The following MAP4K2 variants were observed in gnomAD, a reference collection of about 807,000 sequenced individuals.
MAP4K2 encodes the protein mitogen-activated protein kinase kinase kinase kinase 2.
A neutral mutation model predicts 125.3 loss-of-function variants in MAP4K2; 85 were observed. The observed-to-expected ratio is 0.68, with a 90% CI of 0.57 to 0.81. MAP4K2 has a LOEUF of 0.81. Among genes scored for constraint, MAP4K2 ranks in the 40% least tolerant of loss-of-function variants. The pLI is 0.00. For synonymous variants in MAP4K2, 479 were observed against 445.1 expected (o/e 1.08, Z -0.96); for missense variants, 923 against 1,056.4 (o/e 0.87, Z 1.75).
chr11:64,802,082 C>G lies in MAP4K2; in HGVS notation c.350G>C (p.Cys117Ser), dbSNP rs922294037. The change falls in exon 5 of 32, where the codon TGC (cysteine) becomes TCC (serine). Residue 117 changes from cysteine (C) to serine (S), a missense_variant. By Grantham distance (112) the Cys-to-Ser change is moderately radical. Transcript: ENST00000294066. The part of the protein sequence containing the change: ...PLEERQIAYV[C>S]REALKGLHHL... The stretch of plus-strand genomic sequence containing the variant: ...CCCAGCTACCTTCAGTGCCTCTCGG[C>G]AGACGTAGGCAATCTGCCGCTCCTC... 3.1e-6 allele frequency: 5 copies of G among 1,612,632 alleles called. No individual in the cohort carries two copies. In the African/African-American group the frequency reaches 6.7e-5, roughly 22 times the overall value.
At chr11:64,802,045 G>C in intron 5 of MAP4K2, 21 bp downstream of exon 5, 1 of 1,608,312 alleles carries the variant, frequency 6.2e-7, no homozygotes, top group Non-Finnish European at 8.5e-7. Flanking sequence ...AGAGGTGTGG[G>C]CACCTCACAG....
chr11:64,788,464 G>C lies in MAP4K2; in HGVS notation c.*1073C>G, dbSNP rs1360022960. On this transcript the variant is annotated 3_prime_UTR_variant, in exon 32 of 32. Transcript: ENST00000294066. ...CCTGGCATTCAGAGCTGAGCAGACA[G>C]ACCCTTGGAGAATGACAGCGTAAGC... is the stretch of plus-strand genomic sequence containing the variant. The C allele has an allele frequency of 6.6e-6, 1 of 152,218 alleles. No homozygotes were observed. Among genetic ancestry groups the C allele is most frequent in the Admixed American group, 6.5e-5 (1 of 15,284 alleles). The allele number at this position is 152,218 out of a possible 1,614,324, so 9.4% of individuals were successfully genotyped here.
chr11:64,795,554 C>T (rs1331488473), intron 24 of MAP4K2, among the ~76,000 whole-genome samples: 2 of 152,146 alleles, frequency 1.3e-5, no homozygotes, highest in Non-Finnish European at 1.5e-5. Flanking sequence ...GCATGTGCCA[C>T]CACGCCCGGC....
intron 27 of MAP4K2, 101 bp from the exon 28 acceptor site, chr11:64,790,563 C>T: frequency 4.6e-6 from 5 of 1,092,064 alleles, no homozygotes; most frequent in Non-Finnish European, 6.9e-6. Flanking sequence ...GCCATGAGGG[C>T]ACGTCAGCCT....
rs549626426 is a variant in MAP4K2, at chr11:64,801,627, G to A, written c.415-6C>T. 1 of 1,613,958 alleles carries A rather than the reference G, an allele frequency of 6.2e-7. No individual in the cohort carries two copies. The highest frequency in any genetic ancestry group is 1.3e-5 in the African/African-American group (1 of 75,014). ...GTGAGGAGAAGGTTGGCTCCCTGTGGGAATGGAGGAGAGACAATCCCATCT... is the reference window on the plus strand; with the variant it reads ...GTGAGGAGAAGGTTGGCTCCCTGTGAGAATGGAGGAGAGACAATCCCATCT... On this transcript the variant is annotated splice_polypyrimidine_tract_variant and splice_region_variant and intron_variant, in intron 6 of 31. Coordinates refer to ENST00000294066, the MANE Select transcript of MAP4K2 (RefSeq NM_004579.5).
intron 24 of MAP4K2, among the ~76,000 whole-genome samples, 159 bp downstream of exon 24, chr11:64,796,114 G>C (rs1256922272): frequency 1.3e-5 from 2 of 152,348 alleles, no homozygotes; most frequent in Non-Finnish European, 1.5e-5. Context: ...CCGGCGGGAG[G>C]GGGTGGGAAG....
chr11:64,790,536 G>T, intron 27 of MAP4K2, 74 bp from the exon 28 acceptor site: 2 of 1,395,892 alleles, frequency 1.4e-6, no homozygotes, highest in Non-Finnish European at 2.0e-6. Context: ...CGGGGGCCAG[G>T]CTACAGACAG....
chr11:64,789,590 G>A lies in MAP4K2; in HGVS notation c.2410C>T (p.Pro804Ser), dbSNP rs943548414. The A allele has an allele frequency of 4.4e-6, 7 of 1,606,664 alleles. No individual in the cohort carries two copies. The highest frequency in any genetic ancestry group is 5.9e-6 in the Non-Finnish European group (7 of 1,176,626). The change falls in exon 32 of 32, where the codon CCA (proline) becomes TCA (serine). Residue 804 changes from proline (P) to serine (S), a missense_variant. Transcript: ENST00000294066. ...ATGTAGAGGTTGCTGTGCGCCTCTG[G>A]GTTGTCAGTGGGAATGCTCTCCAGG... is the stretch of plus-strand genomic sequence containing the variant. ...IILESIPTDN[P>S]EAHSNLYILT...
At chr11:64,798,898 G>A (rs991445523) in intron 14 of MAP4K2, 61 bp from the exon 15 acceptor site, 27 of 1,390,958 alleles carry the variant, frequency 1.9e-5, no homozygotes, top group African/African-American at 2.9e-5. Flanking sequence ...GTGAGAGGGC[G>A]CTCAAGAGAT....
At chr11:64,794,141 C>T (rs1940654020) in intron 24 of MAP4K2, among the ~76,000 whole-genome samples, 5 of 152,340 alleles carry the variant, frequency 3.3e-5, no homozygotes, top group Admixed American at 2.0e-4. Context: ...CATGGACTGA[C>T]GCAGGTCCCA....
At position 64,802,879 on chromosome 11, in the gene MAP4K2, C is replaced by T; in HGVS notation, c.154+6G>A. 1 of 1,600,332 alleles carries T rather than the reference C, an allele frequency of 6.2e-7. No individual in the cohort carries two copies. The highest frequency in any genetic ancestry group is 2.3e-5 in the East Asian group (1 of 44,350). On this transcript the variant is annotated splice_donor_region_variant and intron_variant, in intron 2 of 31. Coordinates refer to ENST00000294066, the MANE Select transcript of MAP4K2 (RefSeq NM_004579.5). ...TCTGGCGCAGAGGCCCGACCCGGGC[C>T]CTCACCTGGGTCTAGCTTGACTATC...
rs1393695618 is a variant in MAP4K2, at chr11:64,785,305, C to T, written c.*4232G>A. On this transcript the variant is annotated 3_prime_UTR_variant, in exon 32 of 32. Coordinates refer to ENST00000294066, the MANE Select transcript of MAP4K2 (RefSeq NM_004579.5). ...GTGATTATCTTGATTGTGGAAATAG[C>T]TTCACGGGTGTACACGTATGTCAAA... The T allele has an allele frequency of 6.6e-6, 1 of 152,226 alleles. No individual in the cohort carries two copies. Among genetic ancestry groups the T allele is most frequent in the Non-Finnish European group, 1.5e-5 (1 of 68,052 alleles). 9.4% of individuals were successfully genotyped at this position (152,226 alleles called of 1,614,324 possible).
At chr11:64,793,844 C>T (rs770298043) in intron 24 of MAP4K2, among the ~76,000 whole-genome samples, 18 of 152,350 alleles carry the variant, frequency 1.2e-4, no homozygotes, top group Non-Finnish European at 1.9e-4. Flanking sequence ...CTGCCTGTGA[C>T]CTGTTGGGGC....
chr11:64,796,189 G>A, intron 24 of MAP4K2, 84 bp downstream of exon 24: 1 of 1,242,694 alleles, frequency 8.0e-7, no homozygotes, highest in Non-Finnish European at 1.1e-6. Flanking sequence ...TAAGATTGCT[G>A]CAATCCCAGG....
Position 64,797,005 on chromosome 11 carries a change from G to T in MAP4K2, c.1384C>A (p.Leu462Ile), listed in dbSNP as rs140264433. ...ACATGCACCTTGGGAGTTGGGGGGA[G>T]CCCGTGGCAGGATGACCTCTGGGAG... ...EDPERSSCHG[L>I]PPTPKVHMGA... The change falls in exon 20 of 32, where the codon CTC becomes ATC. Residue 462 changes from leucine to isoleucine, a missense_variant. Around this residue, in one of 2 missense-constraint regions of MAP4K2, gnomAD observed 833 missense variants for 911.4 expected, o/e 0.91. Coordinates refer to ENST00000294066, the MANE Select transcript of MAP4K2 (RefSeq NM_004579.5). The T allele has an allele frequency of 3.7e-6, 6 of 1,613,948 alleles. No homozygotes were observed. The highest frequency in any genetic ancestry group is 5.1e-6 in the Non-Finnish European group (6 of 1,179,954).
Position 64,802,638 on chromosome 11 carries a change from G to A in MAP4K2, c.170C>T (p.Ser57Phe), listed in dbSNP as rs1392638781. 5.6e-6 allele frequency: 9 copies of A among 1,612,456 alleles called. No individual in the cohort carries two copies. Among genetic ancestry groups the A allele is most frequent in the East Asian group, 2.2e-5 (1 of 44,862 alleles). Residue 57 changes from serine (S) to phenylalanine (F), a missense_variant, in exon 3 of 32, where the codon TCC becomes TTC. Coordinates refer to ENST00000294066, the MANE Select transcript of MAP4K2 (RefSeq NM_004579.5). ...VKLDPGDDIS[S>F]LQQEITILRE... ...CAGGATGGTGATTTCCTGCTGGAGG[G>A]AGCTGATGTCGTCCCCTGGGAAGCA...
rs1298369584 is a variant in MAP4K2 at position 64,787,746 on chromosome 11, TC to T, written c.*1790del. 6.6e-6 allele frequency: 1 copy of T among 152,154 alleles called. No homozygotes were observed. The highest frequency in any genetic ancestry group is 1.5e-5 in the Non-Finnish European group (1 of 68,036). 9.4% of individuals were successfully genotyped at this position (152,154 alleles called of 1,614,324 possible). ...AGACTGAATCTGAGGTCCGGGAAGA[TC>T]CGCCACAAGGAGGCACTGTCTGCTG... On this transcript the variant is annotated 3_prime_UTR_variant, in exon 32 of 32. Coordinates refer to ENST00000294066, the MANE Select transcript of MAP4K2 (RefSeq NM_004579.5).
In MAP4K2 at chr11:64,800,832, G is replaced by C. The variant is rs898129808; in HGVS notation, c.663-6C>G. 32 of 1,612,968 alleles carry C rather than the reference G, an allele frequency of 2.0e-5. No homozygotes were observed. The highest frequency in any genetic ancestry group is 2.6e-5 in the Non-Finnish European group (31 of 1,179,686). On this transcript the variant is annotated splice_region_variant and splice_polypyrimidine_tract_variant and intron_variant, in intron 9 of 31. Coordinates refer to ENST00000294066, the MANE Select transcript of MAP4K2 (RefSeq NM_004579.5). ...TCGACATGAGCATCAGGGCCCTGTG[G>C]AGGGCGCGAGGTCAGGGGCCACAGG...
At chr11:64,793,876 A>G (rs1474303673) in intron 24 of MAP4K2, among the ~76,000 whole-genome samples, 15 of 152,164 alleles carry the variant, frequency 9.9e-5, no homozygotes, top group Admixed American at 2.0e-4. Flanking sequence ...TGTTTCCTGT[A>G]GGTCCTGCGC....
Sources: allele counts gnomAD v4.1 joint callset (sites outside exome capture counted in the v4.1 genomes callset), GRCh38; gene constraint gnomAD v4.1.1; regional missense constraint gnomAD v4.1.1; transcripts MANE v1.5; gene names NCBI Gene and HGNC (gene_info 2026-07-23, HGNC 2026-07-21).